Variants in MACROD1 observed in about 807,000 individuals in gnomAD.
MACROD1 encodes ADP-ribose glycohydrolase MACROD1.
A neutral mutation model predicts 41.4 loss-of-function variants in MACROD1; 31 were observed. The ratio of observed to expected loss-of-function variants is 0.75; its 90% confidence interval spans 0.56 to 1.01. The LOEUF is 1.01. Among genes scored for constraint, MACROD1 ranks in the 50% least tolerant of loss-of-function variants. The pLI, the probability that MACROD1 is intolerant of heterozygous loss-of-function variation, is 0.00. For synonymous variants in MACROD1, 252 were observed against 203.4 expected (o/e 1.24, Z -2.03); for missense variants, 473 against 460.0 (o/e 1.03, Z -0.26).
intron 3 of MACROD1, chr11:64,117,364 T>C (rs1190970153): frequency 1.2e-6 from 2 of 1,613,448 alleles, no homozygotes; most frequent in Admixed American, 3.3e-5. Context: ...GTCCGGGGCA[T>C]GGCCATCAAG....
intron 3 of MACROD1, among the ~76,000 whole-genome samples, chr11:64,035,704 G>GAA (rs1565203029): frequency 0.3 from 1,020 of 3,428 alleles, 24 homozygotes; most frequent in African/African-American, 0.44. Flanking sequence ...TGCGCAGCGC[G>GAA]GCGCCCCCGT....
At chr11:63,998,922 G>A (rs1382167223) in intron 9 of MACROD1, 33 bp downstream of exon 9, 1 of 1,550,986 alleles carries the variant, frequency 6.4e-7, no homozygotes, top group Admixed American at 1.9e-5. Context: ...GACCGGGGCA[G>A]GGGCGGGCCG....
At chr11:64,012,502 G>C (rs1943029751) in intron 4 of MACROD1, among the ~76,000 whole-genome samples, 1 of 151,980 alleles carries the variant, frequency 6.6e-6, no homozygotes, top group African/African-American at 2.4e-5. Flanking sequence ...TGGGGTTCAA[G>C]CAATTCTCCT....
Position 64,067,674 on chromosome 11 carries a change from G to A in MACROD1, c.518-52393C>T, listed in dbSNP as rs1477821580. On this transcript the variant is annotated intron_variant, in intron 3 of 10. Coordinates refer to ENST00000255681, the MANE Select transcript of MACROD1 (RefSeq NM_014067.4). The surrounding 1 kb of genome is among the most constrained non-coding windows in gnomAD (Gnocchi z 4.6). Reference sequence around the variant, plus strand: ...CCCAAGCAGGCAGCTGGAGGGCTGGGGTGCCTGGAGCTGCCCTGCCTGCAG... The same window carrying A: ...CCCAAGCAGGCAGCTGGAGGGCTGGAGTGCCTGGAGCTGCCCTGCCTGCAG... 6.6e-6 allele frequency among the ~76,000 whole-genome samples: 1 copy of A among 152,174 alleles called. No individual in the cohort carries two copies. Among genetic ancestry groups the A allele is most frequent in the Non-Finnish European group, 1.5e-5 (1 of 68,032 alleles).
In MACROD1 at chr11:64,096,349, G is replaced by T. The variant is rs909719471; in HGVS notation, c.517+54890C>A. 2.6e-5 allele frequency among the ~76,000 whole-genome samples: 4 copies of T among 152,074 alleles called. No individual in the cohort carries two copies. The highest frequency in any genetic ancestry group is 2.6e-4 in the Admixed American group (4 of 15,294). On this transcript the variant is annotated intron_variant, in intron 3 of 10. Coordinates refer to ENST00000255681, the MANE Select transcript of MACROD1 (RefSeq NM_014067.4). The surrounding 1 kb of genome is among the most constrained non-coding windows in gnomAD (Gnocchi z 4.6). ...CTAGGCTGGACACGGTCCCTAATGG[G>T]CACGGGCGACGCATTACAGTGAGGT...
At chr11:64,118,269 G>A (rs746475638) in intron 3 of MACROD1, 55 of 1,588,930 alleles carry the variant, frequency 3.5e-5, no homozygotes, top group South Asian at 1.0e-4. Flanking sequence ...CGGCATCCCC[G>A]ACATAGACTA....
rs1173659071 is a variant in MACROD1 at position 63,998,956 on chromosome 11, C to T, written c.972G>A (p.Val324=). The T allele has an allele frequency of 6.3e-7, 1 of 1,598,822 alleles. No individual in the cohort carries two copies. The highest frequency in any genetic ancestry group is 1.1e-5 in the South Asian group (1 of 88,828). ...YRSRLPHYFP[V]A Reference sequence around the variant, plus strand: ...CGTGGGGCGGCGCGGGGCACGTACCCACGGGGAAGTAGTGGGGGAGCCGGC... The same window carrying T: ...CGTGGGGCGGCGCGGGGCACGTACCTACGGGGAAGTAGTGGGGGAGCCGGC... Residue 324 remains valine (V), a splice_region_variant and synonymous_variant, in exon 9 of 11, where the codon GTG becomes GTA. Transcript: ENST00000255681.
At chr11:64,113,236 G>A (rs1444441115) in intron 3 of MACROD1, among the ~76,000 whole-genome samples, 2 of 152,228 alleles carry the variant, frequency 1.3e-5, no homozygotes, top group Non-Finnish European at 2.9e-5. Flanking sequence ...TAAATATTAG[G>A]AAAGTTCTCA....
chr11:64,095,157 ACT>A (rs1270420217), intron 3 of MACROD1, among the ~76,000 whole-genome samples: 2 of 152,010 alleles, frequency 1.3e-5, no homozygotes, highest in African/African-American at 2.4e-5. Context: ...ACGACATTCC[ACT>A]CTCGTGTGAG....
chr11:64,013,695 G>A (rs1039160146), intron 4 of MACROD1, among the ~76,000 whole-genome samples: 1 of 152,182 alleles, frequency 6.6e-6, no homozygotes, highest in African/African-American at 2.4e-5. Flanking sequence ...TGAACTGAAT[G>A]GCTAAAGATC....
intron 3 of MACROD1, among the ~76,000 whole-genome samples, chr11:64,106,889 TA>T (rs201216583): frequency 2.0e-5 from 3 of 152,058 alleles, no homozygotes; most frequent in African/African-American, 7.3e-5. Context: ...TATTTTATTT[TA>T]TTTTTTTTTG....
At chr11:64,142,681 C>T (rs7939784) in intron 3 of MACROD1, among the ~76,000 whole-genome samples, 24,980 of 152,212 alleles carry the variant, frequency 0.16, 2,302 homozygotes, top group Admixed American at 0.28. Context: ...CTTGCACTGG[C>T]GGAAATTAGC....
intron 3 of MACROD1, among the ~76,000 whole-genome samples, chr11:64,095,578 A>G (rs1944561523): frequency 6.6e-6 from 1 of 152,130 alleles, no homozygotes; most frequent in Non-Finnish European, 1.5e-5. Flanking sequence ...GGAAGTAGAG[A>G]ACTGAGGTTG....
chr11:64,027,294 C>T (rs887118680), intron 3 of MACROD1, among the ~76,000 whole-genome samples: 1 of 152,124 alleles, frequency 6.6e-6, no homozygotes, highest in African/African-American at 2.4e-5. Context: ...CTGGGAGCAG[C>T]AGGGTTGGTC....
intron 3 of MACROD1, among the ~76,000 whole-genome samples, chr11:64,129,818 C>CA (rs1367884443): frequency 6.6e-6 from 1 of 152,180 alleles, no homozygotes; most frequent in African/African-American, 2.4e-5. Context: ...ATACGCGCCC[C>CA]AGGGGAGTTG....
chr11:64,126,600 A>G (rs1355531857), intron 3 of MACROD1, among the ~76,000 whole-genome samples: 1 of 151,958 alleles, frequency 6.6e-6, no homozygotes, highest in African/African-American at 2.4e-5. Context: ...AGCATTCTGG[A>G]GTGGCACACA....
intron 3 of MACROD1, among the ~76,000 whole-genome samples, chr11:64,025,630 G>A (rs929681512): frequency 2.0e-5 from 3 of 152,100 alleles, no homozygotes; most frequent in Non-Finnish European, 4.4e-5. Flanking sequence ...TTGTATAAAC[G>A]GGAGCTCCCG....
intron 4 of MACROD1, among the ~76,000 whole-genome samples, chr11:64,009,933 G>A (rs1410927279): frequency 6.6e-6 from 1 of 152,262 alleles, no homozygotes; most frequent in East Asian, 1.9e-4. Context: ...GGAACTCCAC[G>A]CCACTACCCA....
intron 3 of MACROD1, chr11:64,118,109 C>G (rs1260160762): frequency 6.2e-7 from 1 of 1,611,610 alleles, no homozygotes; most frequent in Admixed American, 1.7e-5. Flanking sequence ...TCCTGGAAAT[C>G]CGCGGCCCTG....
Sources: gnomAD v4.1 joint callset for allele counts (sites outside exome capture counted in the v4.1 genomes callset) on GRCh38, gnomAD v4.1.1 for gene constraint, Gnocchi (gnomAD v3.1) non-coding constraint, MANE v1.5 for transcripts, NCBI Gene and HGNC (gene_info 2026-07-23, HGNC 2026-07-21) for gene names.